Variants in PTH2R observed in about 807,000 individuals in gnomAD.
PTH2R encodes parathyroid hormone 2 receptor.
Under a neutral mutation model 60.3 loss-of-function variants are expected in PTH2R, and 59 were observed. The observed-to-expected ratio is 0.98, with a 90% CI of 0.79 to 1.22. The LOEUF (loss-of-function observed/expected upper bound fraction) is 1.22. Ranked by LOEUF, PTH2R falls within the 50% of genes most tolerant of loss-of-function variation. PTH2R has a pLI of 0.00. For missense variants in PTH2R, 749 were observed against 682.6 expected, an observed-to-expected ratio of 1.10 and a Z score of -1.08; for synonymous variants, 256 against 243.8, an observed-to-expected ratio of 1.05 and a Z score of -0.47.
At chr2:208,400,580 T>A (rs1291416103) in intron 1 of PTH2R, among the ~76,000 whole-genome samples, 1 of 152,236 alleles carries the variant, frequency 6.6e-6, no homozygotes, top group Non-Finnish European at 1.5e-5. Flanking sequence ...TTAGTGGTTA[T>A]TTTGGTATTA....
Position 208,482,812 on chromosome 2 carries a change from C to T in PTH2R, c.1076+1648C>T, listed in dbSNP as rs188665286. ...TCCATATGGACAGGCACCCCCCATG[C>T]GTCCGTTTATAGGCTCTCCACAAGG... On this transcript the variant is annotated intron_variant, in intron 10 of 12. Coordinates refer to ENST00000272847, the MANE Select transcript of PTH2R (RefSeq NM_005048.4). Among the ~76,000 whole-genome samples, 751 of 152,208 alleles carry T rather than the reference C, an allele frequency of 4.9e-3. 6 individuals carry two copies. The highest frequency in any genetic ancestry group is 0.017 in the African/African-American group (719 of 41,524).
At chr2:208,366,921 C>T (rs1211353642) in intron 1 of PTH2R, among the ~76,000 whole-genome samples, 1 of 152,134 alleles carries the variant, frequency 6.6e-6, no homozygotes, top group Non-Finnish European at 1.5e-5. Context: ...GGGAAATGCT[C>T]AGCTGTAACC....
At chr2:208,442,319 G>A (rs747289371) in intron 4 of PTH2R, 45 bp from the exon 5 acceptor site, 1 of 1,344,670 alleles carries the variant, frequency 7.4e-7, no homozygotes, top group South Asian at 1.2e-5. Context: ...CCAGTTTATT[G>A]GTAAAATAGT....
At chr2:208,386,176 C>T (rs1443811284) in intron 1 of PTH2R, among the ~76,000 whole-genome samples, 1 of 152,180 alleles carries the variant, frequency 6.6e-6, no homozygotes, top group Non-Finnish European at 1.5e-5. Context: ...TTGTGCTCAT[C>T]ATCATACTCA....
In PTH2R at chr2:208,459,869, A is replaced by G. The variant is rs761131706; in HGVS notation, c.915-26A>G. ...ACCCATTTGCTTTGCCAATTTATTC[A>G]TGACAGCTTTTTTTCAATGTCTCAG... On this transcript the variant is annotated intron_variant, in intron 8 of 12. Transcript: ENST00000272847. 1.9e-6 allele frequency: 3 copies of G among 1,609,752 alleles called. No individual in the cohort carries two copies. The South Asian group carries it at 3.3e-5, about 18-fold the overall frequency.
chr2:208,488,975 T>C lies in PTH2R; in HGVS notation c.1077-37T>C, dbSNP rs1423525415. 3 of 1,610,882 alleles carry C rather than the reference T, an allele frequency of 1.9e-6. No individual in the cohort carries two copies. The South Asian group carries it at 3.3e-5, about 18-fold the overall frequency. ...ACGCTGTCTTTACTGAAAGGCACTCTAGTTAATGAATGAAAAGACTTGCTG... is the reference window on the plus strand; with the variant it reads ...ACGCTGTCTTTACTGAAAGGCACTCCAGTTAATGAATGAAAAGACTTGCTG... On this transcript the variant is annotated intron_variant, in intron 10 of 12. Transcript: ENST00000272847.
At chr2:208,477,942 A>G (rs1703050012) in intron 9 of PTH2R, among the ~76,000 whole-genome samples, 1 of 36,592 alleles carries the variant, frequency 2.7e-5, no homozygotes, top group Non-Finnish European at 8.8e-5. Context: ...CACTACTACT[A>G]GTAGTACTAG....
In PTH2R at chr2:208,401,733, G is replaced by A. The variant is rs527498705; in HGVS notation, c.-258-26468G>A. Among the ~76,000 whole-genome samples, 4 of 152,024 alleles carry A rather than the reference G, an allele frequency of 2.6e-5. No homozygotes were observed. The South Asian group carries it at 6.2e-4, about 24-fold the overall frequency. On this transcript the variant is annotated intron_variant, in intron 1 of 12. Transcript: ENST00000617735. ...TGGGTCACACACAGCCCTTCTTCAC[G>A]CTCAGTTCTGATGACTCCTCTGGAA...
chr2:208,437,652 T>C lies in PTH2R; in HGVS notation c.289+5T>C. ...TTTATGACTTCAACCATAAAGGTATTGAATTTTTCTAAAATGATTAATTTA... is the reference window on the plus strand; with the variant it reads ...TTTATGACTTCAACCATAAAGGTATCGAATTTTTCTAAAATGATTAATTTA... On this transcript the variant is annotated splice_donor_5th_base_variant and intron_variant, in intron 3 of 12. Transcript: ENST00000272847. The C allele has an allele frequency of 6.2e-7, 1 of 1,607,040 alleles. No homozygotes were observed.
chr2:208,459,653 G>A (rs1007120315), intron 8 of PTH2R, among the ~76,000 whole-genome samples: 1 of 152,080 alleles, frequency 6.6e-6, no homozygotes, highest in East Asian at 1.9e-4. Flanking sequence ...CACAATAAAA[G>A]TAATTCACTA....
rs546182076 is a variant in PTH2R at position 208,366,818 on chromosome 2, G to T, written c.-259+6581G>T. Among the ~76,000 whole-genome samples, 58 of 152,308 alleles carry T rather than the reference G, an allele frequency of 3.8e-4. No individual in the cohort carries two copies. The South Asian group carries it at 0.012, about 30-fold the overall frequency. ...TTCTGTACATCGTGAACTGTAACAA[G>T]TGGAATATAACCAGACCGTAGCTTA... On this transcript the variant is annotated intron_variant, in intron 1 of 12. Coordinates refer to the PTH2R transcript ENST00000617735.
At chr2:208,422,629 G>C (rs971798289) in intron 1 of PTH2R, among the ~76,000 whole-genome samples, 1 of 151,918 alleles carries the variant, frequency 6.6e-6, no homozygotes, top group African/African-American at 2.4e-5. Context: ...GTAATATTTT[G>C]TGGTTTTTTT....
chr2:208,363,117 T>C (rs181827883), intron 1 of PTH2R, among the ~76,000 whole-genome samples: 3 of 152,282 alleles, frequency 2.0e-5, no homozygotes, highest in Admixed American at 2.0e-4. Context: ...ACAGATTATT[T>C]GGTCGCCTAG....
chr2:208,399,471 T>C (rs1701268897), intron 1 of PTH2R, among the ~76,000 whole-genome samples: 1 of 152,144 alleles, frequency 6.6e-6, no homozygotes, highest in Admixed American at 6.5e-5. Flanking sequence ...ATGTCATCTG[T>C]GAATGCCTAT....
At chr2:208,381,000 TAC>T (rs1445316624) in intron 1 of PTH2R, among the ~76,000 whole-genome samples, 1 of 152,138 alleles carries the variant, frequency 6.6e-6, no homozygotes, top group East Asian at 1.9e-4. Context: ...ATTTTCTTAG[TAC>T]ACCCAAATCT....
chr2:208,456,670 G>A (rs1361665688), intron 8 of PTH2R, among the ~76,000 whole-genome samples: 1 of 152,128 alleles, frequency 6.6e-6, no homozygotes, highest in Non-Finnish European at 1.5e-5. Context: ...CCTGGCTGTA[G>A]GAAGTTCCAC....
At chr2:208,378,219 GA>G (rs1700844898) in intron 1 of PTH2R, among the ~76,000 whole-genome samples, 1 of 151,172 alleles carries the variant, frequency 6.6e-6, no homozygotes. Context: ...AAAAAAATAC[GA>G]AAACCAGTCA....
rs4021384 is a variant in PTH2R at position 208,362,837 on chromosome 2, A to AGTGT, written c.-259+2623_-259+2626dup. ...CTCTACATCCATACCAACACTTATTAGTGTGTGTGTGTGTGTGTGTGTGTG... is the reference window on the plus strand; with the variant it reads ...CTCTACATCCATACCAACACTTATTAGTGTGTGTGTGTGTGTGTGTGTGTGTGTG... On this transcript the variant is annotated intron_variant, in intron 1 of 12. Transcript: ENST00000617735. Among the ~76,000 whole-genome samples, 251 of 150,580 alleles carry AGTGT rather than the reference A, an allele frequency of 1.7e-3. 3 individuals are homozygous for AGTGT. Among genetic ancestry groups the AGTGT allele is most frequent in the African/African-American group, 5.7e-3 (234 of 40,768 alleles).
rs577949158 is a variant in PTH2R, at chr2:208,465,893, T to A, written c.981+5932T>A. Among the ~76,000 whole-genome samples, 135 of 135,818 alleles carry A rather than the reference T, an allele frequency of 9.9e-4. 2 individuals are homozygous for A. Among genetic ancestry groups the A allele is most frequent in the Admixed American group, 2.9e-3 (39 of 13,286 alleles). 89.1% of individuals were successfully genotyped at this position (135,818 alleles called of 152,430 possible). A position where few individuals can be genotyped will look rare whatever the true frequency, so the allele number is the denominator to read the frequency against. On this transcript the variant is annotated intron_variant, in intron 9 of 12. Transcript: ENST00000272847. ...TTGCTGTCAAGAAATTTTTTTTTTT[T>A]AAAAATCCAAATGCTGGCATTGTTC...
Sources: allele counts gnomAD v4.1 joint callset (sites outside exome capture counted in the v4.1 genomes callset), GRCh38; gene constraint gnomAD v4.1.1; transcripts MANE v1.5; gene names NCBI Gene and HGNC (gene_info 2026-07-23, HGNC 2026-07-21).